Variants in GPHN observed in about 807,000 individuals in gnomAD.
GPHN encodes the protein gephyrin.
A neutral mutation model predicts 95.5 loss-of-function variants in GPHN; 17 were observed. The observed-to-expected ratio is 0.18, with a 90% CI of 0.12 to 0.27. The LOEUF (loss-of-function observed/expected upper bound fraction) is 0.27. Among genes scored for constraint, GPHN ranks in the 10% least tolerant of loss-of-function variants. GPHN has a pLI of 1.00. For missense variants in GPHN, 660 were observed against 978.1 expected (o/e 0.67, Z 4.34); for synonymous variants, 320 against 322.5 (o/e 0.99, Z 0.08).
chr14:66,920,265 G>A (rs571180976), intron 6 of GPHN, among the ~76,000 whole-genome samples: 76 of 152,152 alleles, frequency 5.0e-4, no homozygotes, highest in Non-Finnish European at 1.0e-3. Context: ...AGAATTAAAT[G>A]TGTGTATGTG....
At chr14:67,572,722 C>G in the GPHN span, among the ~76,000 whole-genome samples, 72 of 152,276 alleles carry the variant, frequency 4.7e-4, no homozygotes, top group South Asian at 1.0e-3. Context: ...AGGCTCCAAG[C>G]TGTGCCACTA....
chr14:67,589,487 A>C, the GPHN span: 10 of 985,204 alleles, frequency 1.0e-5, no homozygotes, highest in African/African-American at 1.7e-5. Flanking sequence ...CATGACTGAA[A>C]TACTATGATC....
At chr14:66,840,974 GATA>G (rs1259532993) in intron 4 of GPHN, among the ~76,000 whole-genome samples, 2 of 2,568 alleles carry the variant, frequency 7.8e-4, no homozygotes, top group Non-Finnish European at 2.0e-3. Flanking sequence ...CTACTAGATA[GATA>G]TAGATATAGA....
At chr14:67,157,760 G>A (rs528232054) in intron 18 of GPHN, among the ~76,000 whole-genome samples, 8 of 151,870 alleles carry the variant, frequency 5.3e-5, no homozygotes, top group African/African-American at 1.2e-4. Context: ...CCCAGGAGGC[G>A]AAGGTCGCAG....
chr14:66,836,438 C>G (rs1345469972), intron 4 of GPHN, among the ~76,000 whole-genome samples: 1 of 144,026 alleles, frequency 6.9e-6, no homozygotes, highest in Non-Finnish European at 1.5e-5. Flanking sequence ...ATACAAAAAT[C>G]AATTCAAGAT....
intron 9 of GPHN, among the ~76,000 whole-genome samples, chr14:66,966,421 T>C (rs2069332003): frequency 6.6e-6 from 1 of 152,030 alleles, no homozygotes; most frequent in Non-Finnish European, 1.5e-5. Context: ...AATTTTATCA[T>C]TTAAAAAACT....
At chr14:67,652,133 G>A in the GPHN span, among the ~76,000 whole-genome samples, 134 of 152,282 alleles carry the variant, frequency 8.8e-4, no homozygotes, top group African/African-American at 2.9e-3. Flanking sequence ...CCAAGGTCAC[G>A]TACAATACCC....
At chr14:67,352,483 C>T in the GPHN span, among the ~76,000 whole-genome samples, 1 of 150,466 alleles carries the variant, frequency 6.6e-6, no homozygotes, top group Admixed American at 6.6e-5. Context: ...TGCGGTAGTA[C>T]ATGCTACAAT....
At chr14:67,085,445 A>G (rs1366144778) in intron 11 of GPHN, among the ~76,000 whole-genome samples, 1 of 152,252 alleles carries the variant, frequency 6.6e-6, no homozygotes, top group Non-Finnish European at 1.5e-5. Flanking sequence ...AGAGTGGTCA[A>G]ATAATTCATT....
At chr14:67,209,754 G>C in the GPHN span, among the ~76,000 whole-genome samples, 2 of 150,146 alleles carry the variant, frequency 1.3e-5, no homozygotes, top group Non-Finnish European at 3.0e-5. Flanking sequence ...GGAGACTGAG[G>C]TTGCAGTGAG....
chr14:66,752,934 TAA>T (rs370594333), intron 2 of GPHN, among the ~76,000 whole-genome samples: 39 of 134,054 alleles, frequency 2.9e-4, no homozygotes, highest in Non-Finnish European at 3.1e-4. Context: ...TAGGAGTGGT[TAA>T]AAAAAAAAAA....
chr14:67,111,021 T>G (rs2078336943), intron 14 of GPHN, among the ~76,000 whole-genome samples: 1 of 152,188 alleles, frequency 6.6e-6, no homozygotes, highest in Non-Finnish European at 1.5e-5. Flanking sequence ...CTTACTTGTT[T>G]TATGAAGAAA....
chr14:66,676,703 T>C (rs1425815668), intron 1 of GPHN, among the ~76,000 whole-genome samples: 1 of 150,638 alleles, frequency 6.6e-6, no homozygotes, highest in African/African-American at 2.5e-5. Flanking sequence ...TGCCTTTGGA[T>C]TCAGATTCCT....
chr14:66,669,478 T>A (rs1313670715), intron 1 of GPHN, among the ~76,000 whole-genome samples: 3 of 150,912 alleles, frequency 2.0e-5, no homozygotes, highest in Non-Finnish European at 4.4e-5. Context: ...TTTAAACTCT[T>A]GAATCTCTAT....
chr14:66,951,707 C>G (rs1450804292), intron 8 of GPHN, among the ~76,000 whole-genome samples: 2 of 151,990 alleles, frequency 1.3e-5, no homozygotes, highest in African/African-American at 4.8e-5. Context: ...CTTAATGGTG[C>G]CAGAATTAAT....
intron 8 of GPHN, among the ~76,000 whole-genome samples, chr14:66,926,580 A>G (rs1465235532): frequency 1.4e-4 from 22 of 152,078 alleles, no homozygotes; most frequent in Non-Finnish European, 3.2e-4. Context: ...ATTTGTTTCT[A>G]GGTTCTCTAT....
the GPHN span, among the ~76,000 whole-genome samples, chr14:67,537,346 A>AAAAAATAAT: frequency 3.2e-5 from 4 of 126,602 alleles, no homozygotes; most frequent in Admixed American, 7.8e-5. Context: ...TCCATCTCAA[A>AAAAAATAAT]AATAATAATA....
the GPHN span, chr14:67,447,308 C>T: frequency 6.6e-6 from 1 of 152,138 alleles, no homozygotes; most frequent in East Asian, 1.9e-4. Flanking sequence ...CTAATCACCT[C>T]CCCAAGCCCC....
intron 1 of GPHN, among the ~76,000 whole-genome samples, chr14:66,670,488 A>G (rs1308486869): frequency 1.3e-5 from 2 of 152,138 alleles, no homozygotes; most frequent in African/African-American, 2.4e-5. Flanking sequence ...GTTCTTGTCA[A>G]AAAGTGGTTA....
Sources: gnomAD v4.1 joint callset for allele counts (sites outside exome capture counted in the v4.1 genomes callset) on GRCh38, gnomAD v4.1.1 for gene constraint, MANE v1.5 for transcripts, NCBI Gene and HGNC (gene_info 2026-07-23, HGNC 2026-07-21) for gene names.